Variants in OPCML observed in about 807,000 individuals in gnomAD.
The protein encoded by OPCML is opioid-binding protein/cell adhesion molecule.
In OPCML, 13 loss-of-function variants were observed where a neutral mutation model predicts 37.8. The ratio of observed to expected loss-of-function variants is 0.34; its 90% CI spans 0.22 to 0.55. The LOEUF (loss-of-function observed/expected upper bound fraction) is 0.55, where lower values mean the gene tolerates loss of function less well. OPCML is among the 20% of genes least tolerant of loss of function. The pLI is 0.91. For synonymous variants in OPCML, 176 were observed against 168.8 expected, an observed-to-expected ratio of 1.04 and a Z score of -0.33; for missense variants, 341 against 435.6, an observed-to-expected ratio of 0.78 and a Z score of 1.93.
intron 1 of OPCML, among the ~76,000 whole-genome samples, chr11:133,112,298 AAAAAAAAAAAAAG>A (rs925425448): frequency 4.1e-5 from 6 of 146,882 alleles, no homozygotes; most frequent in African/African-American, 1.0e-4. Context: ...AAAAAAAAAA[AAAAAAAAAAAAAG>A]GGGAAAGAAA....
At chr11:133,128,492 T>A (rs1350235290) in intron 1 of OPCML, among the ~76,000 whole-genome samples, 1 of 152,190 alleles carries the variant, frequency 6.6e-6, no homozygotes, top group African/African-American at 2.4e-5. Context: ...AGCCAAGTTC[T>A]CCACTCCACA....
At chr11:133,316,549 G>A (rs1336459494) in intron 1 of OPCML, among the ~76,000 whole-genome samples, 1 of 152,128 alleles carries the variant, frequency 6.6e-6, no homozygotes, top group African/African-American at 2.4e-5. Context: ...GTTGATGGGT[G>A]CAGCAAACCA....
At chr11:132,530,352 T>G (rs1591513133) in intron 3 of OPCML, among the ~76,000 whole-genome samples, 1 of 152,206 alleles carries the variant, frequency 6.6e-6, no homozygotes, top group African/African-American at 2.4e-5. Context: ...TTCTCACCTC[T>G]TATTTATCAT....
intron 3 of OPCML, among the ~76,000 whole-genome samples, chr11:132,546,353 G>A (rs951220092): frequency 2.0e-5 from 3 of 152,126 alleles, no homozygotes; most frequent in Non-Finnish European, 2.9e-5. Flanking sequence ...GTTCTTTAGT[G>A]ACTTCTGAGA....
At chr11:132,516,907 C>G (rs1383386662) in intron 4 of OPCML, among the ~76,000 whole-genome samples, 1 of 152,164 alleles carries the variant, frequency 6.6e-6, no homozygotes, top group Non-Finnish European at 1.5e-5. Context: ...TGTCGAACCT[C>G]TTCTGCTGCC....
At chr11:133,234,714 C>T (rs1272023638) in intron 1 of OPCML, among the ~76,000 whole-genome samples, 1 of 152,246 alleles carries the variant, frequency 6.6e-6, no homozygotes, top group African/African-American at 2.4e-5. Flanking sequence ...TTAAACCATG[C>T]TAGTTCTCTA....
At chr11:133,482,292 A>C (rs1947390570) in intron 1 of OPCML, among the ~76,000 whole-genome samples, 1 of 152,178 alleles carries the variant, frequency 6.6e-6, no homozygotes, top group African/African-American at 2.4e-5. Context: ...GGGAGTTTGA[A>C]ATCAGACGTC....
At chr11:132,981,751 A>G (rs1330948586) in intron 1 of OPCML, among the ~76,000 whole-genome samples, 4 of 152,174 alleles carry the variant, frequency 2.6e-5, no homozygotes, top group African/African-American at 9.7e-5. Context: ...CAATGACATC[A>G]CCAAATAAGA....
rs932535823 is a variant in OPCML at position 133,212,080 on chromosome 11, G to A, written c.62-269070C>T. 6.6e-6 allele frequency among the ~76,000 whole-genome samples: 1 copy of A among 152,092 alleles called. No homozygotes were observed. Among genetic ancestry groups the A allele is most frequent in the Admixed American group, 6.6e-5 (1 of 15,262 alleles). On this transcript the variant is annotated intron_variant, in intron 1 of 7. Transcript: ENST00000524381. This position sits in a 1 kb window ranked among gnomAD's most constrained non-coding sequence, Gnocchi z 4.9. ...TAAGCAGAGCCTTTAAAGGGGTGGGGTTACACCTGCATAGTGAGGTGGGGG... is the reference window on the plus strand; with the variant it reads ...TAAGCAGAGCCTTTAAAGGGGTGGGATTACACCTGCATAGTGAGGTGGGGG...
intron 2 of OPCML, among the ~76,000 whole-genome samples, chr11:132,923,078 A>AT (rs1216022102): frequency 0.016 from 1,710 of 106,596 alleles, 44 homozygotes; most frequent in African/African-American, 0.079. Context: ...CGTCTCAGAA[A>AT]AAAATAAATA....
chr11:133,178,647 T>C (rs1937667257), intron 1 of OPCML, among the ~76,000 whole-genome samples: 1 of 151,958 alleles, frequency 6.6e-6, no homozygotes, highest in Admixed American at 6.6e-5. Context: ...ACCAGGACAG[T>C]GTGTGTCCTG....
intron 3 of OPCML, among the ~76,000 whole-genome samples, chr11:132,532,413 T>C (rs190843978): frequency 3.9e-5 from 6 of 152,298 alleles, no homozygotes. Context: ...CCTTAGAAAC[T>C]AACATTAATA....
intron 1 of OPCML, among the ~76,000 whole-genome samples, chr11:133,235,293 T>C (rs1348329049): frequency 6.6e-6 from 1 of 152,196 alleles, no homozygotes; most frequent in Non-Finnish European, 1.5e-5. Flanking sequence ...GTGGGCCAGT[T>C]AGTCAGATAC....
chr11:133,084,359 T>G lies in OPCML; in HGVS notation c.62-141349A>C, dbSNP rs570262116. On this transcript the variant is annotated intron_variant, in intron 1 of 7. Transcript: ENST00000524381. ...ACCATCAATGTTTTAAGAAGGCTAA[T>G]TAACATCCGATGAAGGTCAATTTTC... 1.6e-3 allele frequency among the ~76,000 whole-genome samples: 250 copies of G among 152,334 alleles called. 1 individual carries two copies. In the Middle Eastern group the frequency reaches 0.027, roughly 17 times the overall value.
chr11:133,251,042 C>G lies in OPCML; in HGVS notation c.61+281222G>C, dbSNP rs2078454. ...AGACGTTCATTAGAAATCAGAGAAG[C>G]CTTTTCCTTTGAGTAAAGGACCCGT... is the stretch of plus-strand genomic sequence containing the variant. On this transcript the variant is annotated intron_variant, in intron 1 of 7. Coordinates refer to ENST00000524381, the MANE Select transcript of OPCML (RefSeq NM_001012393.5). 1.4e-3 allele frequency among the ~76,000 whole-genome samples: 208 copies of G among 151,980 alleles called. 1 individual carries two copies. The highest frequency in any genetic ancestry group is 6.8e-3 in the Middle Eastern group (2 of 292).
chr11:133,060,650 A>T (rs938640319), intron 1 of OPCML, among the ~76,000 whole-genome samples: 2 of 152,206 alleles, frequency 1.3e-5, no homozygotes, highest in Non-Finnish European at 2.9e-5. Flanking sequence ...GTGAGAAAAC[A>T]GGCCTCTTAT....
intron 1 of OPCML, among the ~76,000 whole-genome samples, chr11:133,081,072 C>T (rs769586083): frequency 6.6e-6 from 1 of 152,078 alleles, no homozygotes; most frequent in Non-Finnish European, 1.5e-5. Flanking sequence ...TTGGAAGGAC[C>T]CGAAGCCGAG....
At chr11:133,093,639 G>A (rs956598261) in intron 1 of OPCML, among the ~76,000 whole-genome samples, 2 of 152,146 alleles carry the variant, frequency 1.3e-5, no homozygotes, top group African/African-American at 4.8e-5. Flanking sequence ...GCAGGTGAGT[G>A]GTAGGCATTC....
intron 1 of OPCML, among the ~76,000 whole-genome samples, chr11:133,054,292 C>A (rs559214990): frequency 1.3e-5 from 2 of 152,160 alleles, no homozygotes; most frequent in Non-Finnish European, 2.9e-5. Context: ...GTCATCAAAC[C>A]CAAACTTCTT....
Sources: allele counts gnomAD v4.1 joint callset (sites outside exome capture counted in the v4.1 genomes callset), GRCh38; gene constraint gnomAD v4.1.1; non-coding constraint Gnocchi (gnomAD v3.1); transcripts MANE v1.5; gene names NCBI Gene and HGNC (gene_info 2026-07-23, HGNC 2026-07-21).